CNTN6: variants seen among roughly 807,000 people sequenced by gnomAD.
CNTN6 encodes the protein contactin 6, also known as contactin-6.
Under a neutral mutation model 122.8 loss-of-function variants are expected in CNTN6, and 137 were observed. The observed-to-expected ratio is 1.12, with a 90% CI of 0.97 to 1.29. The LOEUF (loss-of-function observed/expected upper bound fraction) is 1.29, where lower values mean the gene tolerates loss of function less well. Ranked by LOEUF, CNTN6 falls within the 50% of genes most tolerant of loss-of-function variation. The pLI, the probability that CNTN6 is intolerant of heterozygous loss-of-function variation, is 0.00. For synonymous variants in CNTN6, 570 were observed against 426.0 expected, an observed-to-expected ratio of 1.34 and a Z score of -4.16; for missense variants, 1,634 against 1,223.4, an observed-to-expected ratio of 1.34 and a Z score of -5.01.
intron 17 of CNTN6, among the ~76,000 whole-genome samples, chr3:1,382,603 G>A (rs1559979471): frequency 6.6e-6 from 1 of 152,098 alleles, no homozygotes; most frequent in Non-Finnish European, 1.5e-5. Context: ...TTTGTGCTGA[G>A]TTTAAAAATT....
rs533034144 is a variant in CNTN6 at position 1,239,517 on chromosome 3, T to C, written c.358+11524T>C. Among the ~76,000 whole-genome samples, 3 of 152,180 alleles carry C rather than the reference T, an allele frequency of 2.0e-5. No individual in the cohort carries two copies. The South Asian group carries it at 6.2e-4, about 32-fold the overall frequency. On this transcript the variant is annotated intron_variant, in intron 4 of 22. Transcript: ENST00000446702. Reference sequence around the variant, plus strand: ...AACTATGAAACACTGCTGAAAGAAATCATAGATGACACAAACAAATAGAAA... The same window carrying C: ...AACTATGAAACACTGCTGAAAGAAACCATAGATGACACAAACAAATAGAAA...
At chr3:1,175,529 C>A (rs1181176168) in intron 2 of CNTN6, among the ~76,000 whole-genome samples, 3 of 152,122 alleles carry the variant, frequency 2.0e-5, no homozygotes, top group Non-Finnish European at 2.9e-5. Context: ...AGGCAGGGAC[C>A]AAACTATATA....
chr3:1,100,836 A>T (rs1456818261), intron 1 of CNTN6, among the ~76,000 whole-genome samples: 1 of 152,106 alleles, frequency 6.6e-6, no homozygotes, highest in Non-Finnish European at 1.5e-5. Flanking sequence ...TCTCAAAAAA[A>T]TTTCAGTAAG....
chr3:1,197,252 A>T (rs1192222374), intron 2 of CNTN6, among the ~76,000 whole-genome samples: 1 of 152,126 alleles, frequency 6.6e-6, no homozygotes. Context: ...CTGGTTTCTG[A>T]TTAATCTTTG....
At position 1,388,012 on chromosome 3, in the gene CNTN6, A is replaced by C. The variant is rs529576867; in HGVS notation, c.2704+2215A>C. Among the ~76,000 whole-genome samples, 258 of 152,246 alleles carry C rather than the reference A, an allele frequency of 1.7e-3. 1 individual carries two copies. Among genetic ancestry groups the C allele is most frequent in the South Asian group, 3.9e-3 (19 of 4,832 alleles). ...GGGCGCCCGCCATTGGCCAGGCTTG[A>C]TTAGGTAAACAAAGCAGCCAGGAAG... is the stretch of plus-strand genomic sequence containing the variant. On this transcript the variant is annotated intron_variant, in intron 20 of 22. Coordinates refer to ENST00000446702, the MANE Select transcript of CNTN6 (RefSeq NM_001289080.2).
At chr3:1,165,323 C>T (rs546834508) in intron 2 of CNTN6, among the ~76,000 whole-genome samples, 2 of 152,302 alleles carry the variant, frequency 1.3e-5, no homozygotes, top group East Asian at 1.9e-4. Flanking sequence ...ATCAGCCCCA[C>T]TCTTCCTCCC....
At position 1,301,457 on chromosome 3, in the gene CNTN6, CT is replaced by C. The variant is rs1276081630; in HGVS notation, c.761+3467del. On this transcript the variant is annotated intron_variant, in intron 7 of 22. Transcript: ENST00000446702. ...GATGTGTATGTACAAAAGAAACCCC[CT>C]GATAAATAAATCATGTTGGTTAAGT... is the stretch of plus-strand genomic sequence containing the variant. Among the ~76,000 whole-genome samples the C allele has an allele frequency of 9.9e-5, 15 of 152,232 alleles. No individual in the cohort carries two copies. The East Asian group carries it at 2.5e-3, about 25-fold the overall frequency.
rs185103349 is a variant in CNTN6 at position 1,298,812 on chromosome 3, T to G, written c.761+821T>G. Among the ~76,000 whole-genome samples the G allele has an allele frequency of 3.0e-3, 460 of 152,258 alleles. 3 individuals are homozygous for G. The highest frequency in any genetic ancestry group is 0.011 in the African/African-American group (439 of 41,570). ...CTAAAAAGCTCCCATATATTAGTCATGCTTCTTGTAAACAGAACATACTTT... is the reference window on the plus strand; with the variant it reads ...CTAAAAAGCTCCCATATATTAGTCAGGCTTCTTGTAAACAGAACATACTTT... On this transcript the variant is annotated intron_variant, in intron 7 of 22. Transcript: ENST00000446702.
At chr3:1,248,275 G>A (rs150333312) in intron 4 of CNTN6, among the ~76,000 whole-genome samples, 1 of 152,266 alleles carries the variant, frequency 6.6e-6, no homozygotes, top group African/African-American at 2.4e-5. Flanking sequence ...TTTTGTAGCA[G>A]TGAGGGAATA....
At chr3:1,297,059 C>T (rs1696359298) in intron 6 of CNTN6, among the ~76,000 whole-genome samples, 1 of 152,094 alleles carries the variant, frequency 6.6e-6, no homozygotes, top group Admixed American at 6.6e-5. Flanking sequence ...AACCTACCAA[C>T]TTAGTTGAAT....
intron 2 of CNTN6, among the ~76,000 whole-genome samples, chr3:1,150,160 C>G (rs2092809025): frequency 1.3e-5 from 2 of 152,136 alleles, no homozygotes; most frequent in African/African-American, 4.8e-5. Context: ...TGCTTTAAAT[C>G]TGTTTGTTTT....
intron 1 of CNTN6, among the ~76,000 whole-genome samples, chr3:1,137,489 G>T (rs189547033): frequency 1.9e-3 from 283 of 152,242 alleles, no homozygotes; most frequent in South Asian, 2.7e-3. Flanking sequence ...TTCCTATATA[G>T]TAATAAAGAG....
chr3:1,210,589 T>C (rs1040541841), intron 2 of CNTN6, among the ~76,000 whole-genome samples: 1 of 152,190 alleles, frequency 6.6e-6, no homozygotes, highest in African/African-American at 2.4e-5. Context: ...AGAGCTTTTA[T>C]AGTACTGAAA....
chr3:1,150,360 T>G lies in CNTN6; in HGVS notation c.55+2297T>G, dbSNP rs563809019. 5.9e-4 allele frequency among the ~76,000 whole-genome samples: 90 copies of G among 152,128 alleles called. 1 individual carries two copies. The highest frequency in any genetic ancestry group is 3.4e-3 in the Middle Eastern group (1 of 294). ...ACTTACTTTTTCCTTGCTATTTGAA[T>G]TATTATAATTTTTCTAACAGGTTGA... On this transcript the variant is annotated intron_variant, in intron 2 of 22. Transcript: ENST00000446702.
At chr3:1,360,464 A>T (rs1264081414) in intron 12 of CNTN6, among the ~76,000 whole-genome samples, 1 of 151,942 alleles carries the variant, frequency 6.6e-6, no homozygotes, top group Non-Finnish European at 1.5e-5. Context: ...TTCTCCTAAA[A>T]GCCCTGTTAT....
At chr3:1,133,147 T>G (rs2092384262) in intron 1 of CNTN6, among the ~76,000 whole-genome samples, 1 of 152,078 alleles carries the variant, frequency 6.6e-6, no homozygotes, top group African/African-American at 2.4e-5. Flanking sequence ...GATAAATTGA[T>G]TAGAAGTTGA....
chr3:1,402,174 G>A (rs992260337), intron 21 of CNTN6, 144 bp from the exon 22 acceptor site: 2 of 578,284 alleles, frequency 3.5e-6, no homozygotes, highest in African/African-American at 3.9e-5. Context: ...TGGAATATAA[G>A]GAAAAGACAT....
chr3:1,365,500 T>C (rs779367351), intron 12 of CNTN6, among the ~76,000 whole-genome samples: 2 of 152,000 alleles, frequency 1.3e-5, no homozygotes, highest in Non-Finnish European at 2.9e-5. Context: ...TCCTCTTCAA[T>C]CATGAAAGCA....
Position 1,255,759 on chromosome 3 carries a change from A to C in CNTN6, c.359-22654A>C, listed in dbSNP as rs569424848. ...ACCATCACAACCTACTGCAGCTTCAAACTCCTGGGCTCAAGCAATCGTTTT... is the reference window on the plus strand; with the variant it reads ...ACCATCACAACCTACTGCAGCTTCACACTCCTGGGCTCAAGCAATCGTTTT... On this transcript the variant is annotated intron_variant, in intron 4 of 22. Transcript: ENST00000446702. 3.3e-5 allele frequency among the ~76,000 whole-genome samples: 5 copies of C among 152,226 alleles called. No homozygotes were observed. In the East Asian group the frequency reaches 9.7e-4, roughly 29 times the overall value.
Sources: allele counts gnomAD v4.1 joint callset (sites outside exome capture counted in the v4.1 genomes callset), GRCh38; gene constraint gnomAD v4.1.1; transcripts MANE v1.5; gene names NCBI Gene and HGNC (gene_info 2026-07-23, HGNC 2026-07-21).